The following BPIFB2 variants were observed in gnomAD, a reference collection of about 807,000 sequenced individuals.
BPIFB2 encodes BPI fold-containing family B member 2.
Under a neutral mutation model 50.1 loss-of-function variants are expected in BPIFB2, and 39 were observed. The ratio of observed to expected loss-of-function variants is 0.78; its 90% CI spans 0.60 to 1.02. The LOEUF is 1.02. BPIFB2 is among the 50% of genes least tolerant of loss of function. The probability of loss-of-function intolerance (pLI) is 0.00; values close to 1 mark genes in which losing one functional copy is unlikely to be tolerated. For missense variants in BPIFB2, 574 were observed against 585.8 expected (o/e 0.98, Z 0.21); for synonymous variants, 280 against 256.3 (o/e 1.09, Z -0.88).
intron 15 of BPIFB2, 21 bp from the exon 16 acceptor site, chr20:33,023,321 A>G (rs758139815): frequency 5.6e-6 from 9 of 1,612,868 alleles, no homozygotes; most frequent in Non-Finnish European, 7.6e-6. Flanking sequence ...GACCTGGTCC[A>G]TGGTTTCCTT....
rs1568976045 is a variant in BPIFB2 at position 33,011,042 on chromosome 20, C to A, written c.128C>A (p.Ala43Asp). The A allele has an allele frequency of 1.9e-6, 3 of 1,613,928 alleles. No individual in the cohort carries two copies. The highest frequency in any genetic ancestry group is 2.5e-6 in the Non-Finnish European group (3 of 1,179,974). Residue 43 changes from alanine (A) to aspartate (D), a missense_variant, in exon 3 of 16, where the codon GCC becomes GAC. Coordinates refer to ENST00000170150, the MANE Select transcript of BPIFB2 (RefSeq NM_025227.3). ...ALSYVSEIGK[A>D]PLQRALQVTV... The stretch of plus-strand genomic sequence containing the variant: ...CCCACAGTGTCTGAAATTGGGAAAG[C>A]CCCTCTCCAGCGGGCCCTGCAGGTC...
In BPIFB2 at chr20:33,015,508, G is replaced by A; in HGVS notation, c.516+12G>A. 6.2e-7 allele frequency: 1 copy of A among 1,604,694 alleles called. No individual in the cohort carries two copies. Among genetic ancestry groups the A allele is most frequent in the Non-Finnish European group, 8.5e-7 (1 of 1,172,956 alleles). On this transcript the variant is annotated intron_variant, in intron 6 of 15. Transcript: ENST00000170150. ...TCTTGAGTAACAAGGTAAAGGGCTT[G>A]CAGATTTCTCAGAAAGGAGGGCATG...
rs1034002108 is a variant in BPIFB2 at position 33,008,691 on chromosome 20, G to A, written c.109+8G>A. 6.3e-7 allele frequency: 1 copy of A among 1,590,088 alleles called. No homozygotes were observed. The highest frequency in any genetic ancestry group is 1.3e-5 in the African/African-American group (1 of 74,460). ...AGGCAGCATTGAGCTACGGTAAGCG[G>A]TGTGTTACCCAGTGAGTGTCTGTGA... On this transcript the variant is annotated splice_region_variant and intron_variant, in intron 2 of 15. Coordinates refer to ENST00000170150, the MANE Select transcript of BPIFB2 (RefSeq NM_025227.3).
intron 7 of BPIFB2, 111 bp from the exon 8 acceptor site, chr20:33,018,148 C>T (rs1177386815): frequency 4.8e-6 from 4 of 825,982 alleles, no homozygotes; most frequent in East Asian, 2.7e-5. Flanking sequence ...CGTGGCCTGG[C>T]TCTGGCTAAT....
chr20:33,020,409 C>T lies in BPIFB2; in HGVS notation c.1148+14C>T. On this transcript the variant is annotated intron_variant, in intron 12 of 15. Transcript: ENST00000170150. Reference sequence around the variant, plus strand: ...GTCTGTGCTGGGGTAAACGAGCCCACCTGGACCCAGCAGCCTCAGTGTGTT... The same window carrying T: ...GTCTGTGCTGGGGTAAACGAGCCCATCTGGACCCAGCAGCCTCAGTGTGTT... 6.2e-7 allele frequency: 1 copy of T among 1,613,614 alleles called. No homozygotes were observed. Among genetic ancestry groups the T allele is most frequent in the Non-Finnish European group, 8.5e-7 (1 of 1,179,626 alleles).
intron 5 of BPIFB2, among the ~76,000 whole-genome samples, chr20:33,014,402 C>T (rs911076532): frequency 6.6e-6 from 1 of 152,214 alleles, no homozygotes; most frequent in Non-Finnish European, 1.5e-5. Flanking sequence ...CTCCAGAGCA[C>T]TTATGTGTGC....
chr20:33,008,392 A>G, intron 1 of BPIFB2, 149 bp from the exon 2 acceptor site: 1 of 556,868 alleles, frequency 1.8e-6, no homozygotes, highest in Non-Finnish European at 3.2e-6. Flanking sequence ...ATGGTTCCCA[A>G]TGCAGAGATG....
At chr20:33,018,529 G>T (rs1978519369) in intron 8 of BPIFB2, 108 bp from the exon 9 acceptor site, 1 of 1,383,136 alleles carries the variant, frequency 7.2e-7, no homozygotes, top group Non-Finnish European at 9.9e-7. Flanking sequence ...CATCTTGCAG[G>T]GGCTGGGGGG....
chr20:33,010,817 G>A (rs980278221), intron 2 of BPIFB2, among the ~76,000 whole-genome samples: 2 of 152,096 alleles, frequency 1.3e-5, no homozygotes, highest in African/African-American at 4.8e-5. Context: ...AGGAGGTCAT[G>A]CCCAGGTGGA....
chr20:33,021,807 C>G lies in BPIFB2; in HGVS notation c.1335+8C>G. ...GAGATCTTTGTCTATGAGGTGAGAG[C>G]CTTTGGGTGTGACCAGAGGGGCCTC... On this transcript the variant is annotated splice_region_variant and intron_variant, in intron 15 of 15. Transcript: ENST00000170150. 6.2e-7 allele frequency: 1 copy of G among 1,612,420 alleles called. No individual in the cohort carries two copies. Among genetic ancestry groups the G allele is most frequent in the Non-Finnish European group, 8.5e-7 (1 of 1,178,494 alleles).
At chr20:33,014,961 A>G (rs1208194980) in intron 5 of BPIFB2, among the ~76,000 whole-genome samples, 1 of 152,178 alleles carries the variant, frequency 6.6e-6, no homozygotes, top group Non-Finnish European at 1.5e-5. Flanking sequence ...AAATCAAGGA[A>G]CTATAGGTGC....
chr20:33,021,870 C>A, intron 15 of BPIFB2, 71 bp downstream of exon 15: 4 of 1,454,612 alleles, frequency 2.7e-6, no homozygotes, highest in Non-Finnish European at 3.9e-6. Flanking sequence ...GGGGTCACCT[C>A]TCTCCCTCCC....
intron 4 of BPIFB2, among the ~76,000 whole-genome samples, chr20:33,013,476 C>T (rs984623071): frequency 6.6e-6 from 1 of 152,172 alleles, no homozygotes; most frequent in Non-Finnish European, 1.5e-5. Context: ...CTCAGCACAG[C>T]CCTGCGAAAT....
At chr20:33,022,985 G>A (rs1021804686) in intron 15 of BPIFB2, among the ~76,000 whole-genome samples, 2 of 152,172 alleles carry the variant, frequency 1.3e-5, no homozygotes, top group Non-Finnish European at 2.9e-5. Context: ...CTGCAGTGGA[G>A]TGTAGCATAG....
At chr20:33,015,857 T>G (rs35038428) in intron 6 of BPIFB2, among the ~76,000 whole-genome samples, 52,709 of 151,962 alleles carry the variant, frequency 0.35, 9,341 homozygotes, top group Admixed American at 0.37. Flanking sequence ...ACCTGTGGCC[T>G]GGACGGGTCC....
intron 13 of BPIFB2, 124 bp downstream of exon 13, chr20:33,020,711 T>A (rs749649696): frequency 1.3e-4 from 150 of 1,141,464 alleles, no homozygotes; most frequent in Non-Finnish European, 1.7e-4. Flanking sequence ...ATAGTCAGGC[T>A]TCCCCGGGCT....
At chr20:33,019,022 C>T in intron 9 of BPIFB2, 40 bp from the exon 10 acceptor site, 1 of 1,613,424 alleles carries the variant, frequency 6.2e-7, no homozygotes. Flanking sequence ...TGGGGAGCAG[C>T]TGTCCTAAAA....
intron 7 of BPIFB2, among the ~76,000 whole-genome samples, chr20:33,017,516 G>A (rs986850295): frequency 4.6e-5 from 7 of 152,156 alleles, no homozygotes; most frequent in South Asian, 2.1e-4. Context: ...CCCTGGCCTC[G>A]CCCTTTGAAA....
chr20:33,020,129 G>A (rs1024512384), intron 11 of BPIFB2, among the ~76,000 whole-genome samples, 199 bp from the exon 12 acceptor site: 16 of 152,218 alleles, frequency 1.1e-4, no homozygotes, highest in African/African-American at 2.9e-4. Context: ...CACAGCTGGC[G>A]GCTCGTTCCC....
Sources: gnomAD v4.1 joint callset for allele counts (sites outside exome capture counted in the v4.1 genomes callset) on GRCh38, gnomAD v4.1.1 for gene constraint, MANE v1.5 for transcripts, NCBI Gene and HGNC (gene_info 2026-07-23, HGNC 2026-07-21) for gene names.